The following WWC1 variants were observed in gnomAD, a reference collection of about 807,000 sequenced individuals.
The protein encoded by WWC1 is protein KIBRA.
WWC1 carries 55 observed loss-of-function variants against 138.4 expected under a neutral mutation model. That is an observed-to-expected ratio of 0.40 (90% CI 0.32 to 0.50). The LOEUF (loss-of-function observed/expected upper bound fraction) is 0.50. Ranked by LOEUF, WWC1 falls within the 20% of genes least tolerant of loss-of-function variation. WWC1 has a pLI of 0.72. For synonymous variants in WWC1, 524 were observed against 564.9 expected, an observed-to-expected ratio of 0.93 and a Z score of 1.03; for missense variants, 1,226 against 1,420.4, an observed-to-expected ratio of 0.86 and a Z score of 2.20.
chr5:168,334,173 A>G (rs1158508139), intron 1 of WWC1, among the ~76,000 whole-genome samples: 1 of 151,546 alleles, frequency 6.6e-6, no homozygotes, highest in Non-Finnish European at 1.5e-5. Context: ...GCAGTGAGCT[A>G]TGATGATACC....
At chr5:168,383,253 T>G (rs976184048) in intron 2 of WWC1, among the ~76,000 whole-genome samples, 2 of 152,166 alleles carry the variant, frequency 1.3e-5, no homozygotes, top group East Asian at 3.9e-4. Flanking sequence ...GGCAATAGTT[T>G]GGGTTTTACT....
At chr5:168,404,976 C>T (rs17070125) in intron 5 of WWC1, among the ~76,000 whole-genome samples, 1 of 151,422 alleles carries the variant, frequency 6.6e-6, no homozygotes, top group South Asian at 2.1e-4. Flanking sequence ...AGACTAGAAG[C>T]GTTTTAATCC....
At chr5:168,367,548 T>C (rs1776402563) in intron 1 of WWC1, among the ~76,000 whole-genome samples, 1 of 121,174 alleles carries the variant, frequency 8.3e-6, no homozygotes, top group Admixed American at 9.0e-5. Flanking sequence ...CTCGATCTCC[T>C]GACCTCGTGA....
In WWC1 at chr5:168,292,160, G is replaced by GGCCGGAGCTGCCCCT; in HGVS notation, c.16_30dup (p.Leu6_Glu10dup). ...CCGGCAGCGCTTGGGAAGATGCCCC[G>GGCCGGAGCTGCCCCT]GCCGGAGCTGCCCCTGCCGGAGGGC... On this transcript the variant is annotated inframe_insertion, in exon 1 of 23. Coordinates refer to ENST00000265293, the MANE Select transcript of WWC1 (RefSeq NM_015238.3). The surrounding 1 kb of genome is among the most constrained non-coding windows in gnomAD (Gnocchi z 4.4). 1.3e-6 allele frequency: 2 copies of GGCCGGAGCTGCCCCT among 1,539,370 alleles called. No homozygotes were observed. Among genetic ancestry groups the GGCCGGAGCTGCCCCT allele is most frequent in the Non-Finnish European group, 1.8e-6 (2 of 1,142,252 alleles).
intron 1 of WWC1, among the ~76,000 whole-genome samples, chr5:168,351,437 A>G (rs1261652870): frequency 2.0e-5 from 3 of 152,170 alleles, no homozygotes; most frequent in African/African-American, 7.2e-5. Context: ...AATGTATAAT[A>G]CTCATGGAAT....
intron 19 of WWC1, among the ~76,000 whole-genome samples, chr5:168,456,655 AT>A (rs1387061220): frequency 6.6e-6 from 1 of 151,940 alleles, no homozygotes; most frequent in Non-Finnish European, 1.5e-5. Context: ...AATAATTTGA[AT>A]GATTTAGAAA....
intron 3 of WWC1, among the ~76,000 whole-genome samples, chr5:168,396,981 T>C (rs1778951182): frequency 6.6e-6 from 1 of 152,014 alleles, no homozygotes; most frequent in Non-Finnish European, 1.5e-5. Flanking sequence ...GTAAAGCATA[T>C]GTTTATTGTT....
intron 1 of WWC1, among the ~76,000 whole-genome samples, chr5:168,319,703 A>G (rs888202746): frequency 1.3e-5 from 2 of 152,148 alleles, no homozygotes; most frequent in Admixed American, 6.5e-5. Flanking sequence ...GTTTTGCCAC[A>G]TTGCTCAGGC....
chr5:168,376,348 C>T (rs1777165976), intron 2 of WWC1, among the ~76,000 whole-genome samples: 1 of 152,184 alleles, frequency 6.6e-6, no homozygotes, highest in Admixed American at 6.5e-5. Context: ...GCTGCTGTGC[C>T]TGGCCCATAT....
chr5:168,391,249 T>G (rs1778462758), intron 3 of WWC1, among the ~76,000 whole-genome samples: 1 of 152,152 alleles, frequency 6.6e-6, no homozygotes, highest in Non-Finnish European at 1.5e-5. Flanking sequence ...AAAATGCCAG[T>G]TGAAGCCAGG....
chr5:168,464,868 T>C lies in WWC1; in HGVS notation c.3056T>C (p.Leu1019Pro). Reference sequence around the variant, plus strand: ...GTGCTGAAGGAGCTCAAGGAGCAGCTGGAACAAGCCAAGAGCCACGGGGAG... The same window carrying C: ...GTGCTGAAGGAGCTCAAGGAGCAGCCGGAACAAGCCAAGAGCCACGGGGAG... ...ISVLKELKEQ[L>P]EQAKSHGEKE... is the part of the protein sequence containing the mutation. The change falls in exon 21 of 23, where the codon CTG becomes CCG. Residue 1019 changes from leucine (L) to proline (P), a missense_variant. Leu to Pro is a moderately conservative substitution (Grantham distance 98). Around this residue, in one of 3 missense-constraint regions of WWC1, gnomAD observed 206 missense variants for 247.4 expected, o/e 0.83. Coordinates refer to ENST00000265293, the MANE Select transcript of WWC1 (RefSeq NM_015238.3). The C allele has an allele frequency of 6.2e-7, 1 of 1,614,180 alleles. No individual in the cohort carries two copies.
chr5:168,342,306 A>C (rs1774099300), intron 1 of WWC1, among the ~76,000 whole-genome samples: 1 of 152,182 alleles, frequency 6.6e-6, no homozygotes. Context: ...GGAGCTGAAC[A>C]GGGTAGGGAC....
In WWC1 at chr5:168,422,102, G is replaced by A. The variant is rs368124149; in HGVS notation, c.1274+5G>A. Reference sequence around the variant, plus strand: ...TCTGCACTCCCAGCTGAAAAGGTGAGTGGTGGGCGGTGAGGCCACTGCTCC... The same window carrying A: ...TCTGCACTCCCAGCTGAAAAGGTGAATGGTGGGCGGTGAGGCCACTGCTCC... On this transcript the variant is annotated splice_donor_5th_base_variant and intron_variant, in intron 10 of 22. Coordinates refer to ENST00000265293, the MANE Select transcript of WWC1 (RefSeq NM_015238.3). 45 of 1,612,210 alleles carry A rather than the reference G, an allele frequency of 2.8e-5. No individual in the cohort carries two copies. In the African/African-American group the frequency reaches 4.7e-4, roughly 17 times the overall value.
intron 1 of WWC1, among the ~76,000 whole-genome samples, chr5:168,338,001 G>C (rs951229575): frequency 2.6e-5 from 4 of 152,142 alleles, no homozygotes; most frequent in African/African-American, 9.7e-5. Flanking sequence ...GGGCAAGAGT[G>C]TGCAGTTTGT....
intron 1 of WWC1, among the ~76,000 whole-genome samples, chr5:168,295,301 G>A (rs1300991625): frequency 6.6e-6 from 1 of 151,880 alleles, no homozygotes; most frequent in Admixed American, 6.6e-5. Flanking sequence ...GACTCCATGA[G>A]AGGAGAAGGG....
chr5:168,376,356 T>G (rs1325299433), intron 2 of WWC1, among the ~76,000 whole-genome samples: 3 of 152,298 alleles, frequency 2.0e-5, no homozygotes, highest in Non-Finnish European at 2.9e-5. Context: ...GCCTGGCCCA[T>G]ATTTGTCATT....
intron 1 of WWC1, among the ~76,000 whole-genome samples, chr5:168,370,807 T>C (rs1776693046): frequency 6.6e-6 from 1 of 152,208 alleles, no homozygotes; most frequent in Non-Finnish European, 1.5e-5. Flanking sequence ...CGGTTATTGC[T>C]AAAAGATCAG....
chr5:168,426,491 C>T (rs1038031480), intron 11 of WWC1, among the ~76,000 whole-genome samples: 1 of 152,192 alleles, frequency 6.6e-6, no homozygotes, highest in Non-Finnish European at 1.5e-5. Context: ...TTCCTTCATG[C>T]CATCTCCAGA....
chr5:168,403,079 T>TTTCA (rs1491364364), intron 5 of WWC1, among the ~76,000 whole-genome samples: 1 of 95,782 alleles, frequency 1.0e-5, no homozygotes, highest in Non-Finnish European at 2.2e-5. Flanking sequence ...TCTTTCTTTC[T>TTTCA]TTTCTTTCTT....
Sources: allele counts gnomAD v4.1 joint callset (sites outside exome capture counted in the v4.1 genomes callset), GRCh38; gene constraint gnomAD v4.1.1; regional missense constraint gnomAD v4.1.1; non-coding constraint Gnocchi (gnomAD v3.1); transcripts MANE v1.5; gene names NCBI Gene and HGNC (gene_info 2026-07-23, HGNC 2026-07-21).